The following FGGY variants were observed in gnomAD, a reference collection of about 807,000 sequenced individuals.
FGGY encodes the protein FGGY carbohydrate kinase domain containing.
In FGGY, 72 loss-of-function variants were observed where a neutral mutation model predicts 71.3. The ratio of observed to expected loss-of-function variants is 1.01; its 90% CI spans 0.84 to 1.23. The LOEUF is 1.23. Among genes scored for constraint, FGGY ranks in the 50% most tolerant of loss-of-function variants. The probability of loss-of-function intolerance (pLI) is 0.00; values close to 1 mark genes in which losing one functional copy is unlikely to be tolerated. For missense variants in FGGY, 668 were observed against 682.3 expected, an observed-to-expected ratio of 0.98 and a Z score of 0.23; for synonymous variants, 251 against 250.3, an observed-to-expected ratio of 1.00 and a Z score of -0.02.
At chr1:59,331,011 C>T (rs1570482298) in intron 2 of FGGY, among the ~76,000 whole-genome samples, 2 of 151,790 alleles carry the variant, frequency 1.3e-5, no homozygotes, top group Admixed American at 6.6e-5. Context: ...AGACTGGGAC[C>T]ACGTCTCTCT....
chr1:59,541,266 A>G (rs1469956052), intron 7 of FGGY, among the ~76,000 whole-genome samples: 4 of 152,146 alleles, frequency 2.6e-5, no homozygotes, highest in African/African-American at 7.2e-5. Context: ...CCATAGAAAG[A>G]TGATGGAAGG....
At chr1:59,703,587 T>C (rs2097727992) in intron 14 of FGGY, among the ~76,000 whole-genome samples, 1 of 152,162 alleles carries the variant, frequency 6.6e-6, no homozygotes, top group African/African-American at 2.4e-5. Context: ...ATGATGGAAG[T>C]CAGCATAATG....
In FGGY at chr1:59,681,748, T is replaced by A. The variant is rs563685442; in HGVS notation, c.1512+7615T>A. On this transcript the variant is annotated intron_variant, in intron 14 of 15. Transcript: ENST00000303721. ...AAGACAAGGCTTTTAGTTAAATCAG[T>A]AATATTCTGTGATGGGGAAAATTGC... Among the ~76,000 whole-genome samples the A allele has an allele frequency of 5.9e-5, 9 of 152,060 alleles. No individual in the cohort carries two copies. The South Asian group carries it at 1.9e-3, about 32-fold the overall frequency.
intron 15 of FGGY, 52 bp from the exon 16 acceptor site, chr1:59,762,451 C>T: frequency 7.2e-7 from 1 of 1,387,708 alleles, no homozygotes; most frequent in East Asian, 2.3e-5. Flanking sequence ...CAGGGAAGCC[C>T]TGTGGCAGTT....
intron 7 of FGGY, among the ~76,000 whole-genome samples, chr1:59,544,151 T>C (rs1053096761): frequency 6.6e-6 from 1 of 152,180 alleles, no homozygotes; most frequent in Non-Finnish European, 1.5e-5. Flanking sequence ...TAACAAAAGA[T>C]AGATTAACAA....
chr1:59,733,740 T>C (rs925047918), intron 14 of FGGY, among the ~76,000 whole-genome samples: 1 of 152,176 alleles, frequency 6.6e-6, no homozygotes, highest in Non-Finnish European at 1.5e-5. Flanking sequence ...CCCTGTGAGA[T>C]CTAAAAACAG....
intron 5 of FGGY, among the ~76,000 whole-genome samples, chr1:59,406,783 A>T (rs188500468): frequency 1.4e-4 from 21 of 152,262 alleles, no homozygotes; most frequent in Non-Finnish European, 2.9e-4. Flanking sequence ...CTCTTGCTTG[A>T]TCTTTCCATC....
chr1:59,459,362 G>A (rs976437009), intron 6 of FGGY, among the ~76,000 whole-genome samples: 2 of 152,174 alleles, frequency 1.3e-5, no homozygotes, highest in Non-Finnish European at 2.9e-5. Flanking sequence ...TTCTTTCAAG[G>A]AGGTATTTGG....
At chr1:59,387,324 T>C (rs2060189079) in intron 5 of FGGY, among the ~76,000 whole-genome samples, 1 of 152,160 alleles carries the variant, frequency 6.6e-6, no homozygotes, top group Non-Finnish European at 1.5e-5. Flanking sequence ...AAAAATATTT[T>C]TGACATCTGT....
intron 7 of FGGY, among the ~76,000 whole-genome samples, chr1:59,517,570 A>T (rs1300996421): frequency 6.6e-6 from 1 of 151,938 alleles, no homozygotes; most frequent in Non-Finnish European, 1.5e-5. Context: ...TTATCCATCA[A>T]ATCTTGAATC....
intron 8 of FGGY, among the ~76,000 whole-genome samples, chr1:59,570,082 C>G (rs749454318): frequency 2.0e-5 from 3 of 152,136 alleles, no homozygotes; most frequent in Non-Finnish European, 4.4e-5. Flanking sequence ...AATTAATGTG[C>G]ACAAAATATA....
chr1:59,757,950 G>C lies in FGGY; in HGVS notation c.1532G>C (p.Ser511Thr). The change falls in exon 15 of 16, where the codon AGC becomes ACC. Residue 511 changes from serine to threonine, a missense_variant. By Grantham distance (58) the Ser-to-Thr change is moderately conservative. Coordinates refer to ENST00000303721, the MANE Select transcript of FGGY (RefSeq NM_018291.5). ...TAATAGGAAGCAATGGCAAAAATGAGCAAAGTTGGGAAAGTTGTGTTCCCG... is the reference window on the plus strand; with the variant it reads ...TAATAGGAAGCAATGGCAAAAATGACCAAAGTTGGGAAAGTTGTGTTCCCG... ...ASVQEAMAKM[S>T]KVGKVVFPRL... 6.2e-7 allele frequency: 1 copy of C among 1,613,314 alleles called. No homozygotes were observed. Among genetic ancestry groups the C allele is most frequent in the Non-Finnish European group, 8.5e-7 (1 of 1,179,566 alleles).
chr1:59,611,973 A>G (rs1304737774), intron 9 of FGGY, among the ~76,000 whole-genome samples: 1 of 152,196 alleles, frequency 6.6e-6, no homozygotes, highest in South Asian at 2.1e-4. Flanking sequence ...GAGACGAACA[A>G]AGCCTCCAAG....
chr1:59,660,145 T>C, intron 11 of FGGY, 74 bp from the exon 12 acceptor site: 3 of 1,342,388 alleles, frequency 2.2e-6, no homozygotes, highest in Non-Finnish European at 3.2e-6. Flanking sequence ...TCTGAACGTA[T>C]TTCATGGGAA....
At chr1:59,588,766 C>A (rs986404403) in intron 8 of FGGY, among the ~76,000 whole-genome samples, 5 of 152,140 alleles carry the variant, frequency 3.3e-5, no homozygotes, top group Admixed American at 3.3e-4. Context: ...ACCAGGCCTG[C>A]CCTAAAAGAG....
chr1:59,368,661 G>T (rs2056990138), intron 4 of FGGY, among the ~76,000 whole-genome samples: 1 of 152,256 alleles, frequency 6.6e-6, no homozygotes, highest in Non-Finnish European at 1.5e-5. Flanking sequence ...GGCTGGGATT[G>T]TATGGGCCAG....
chr1:59,507,059 C>T (rs538800652), intron 6 of FGGY, among the ~76,000 whole-genome samples: 99 of 152,224 alleles, frequency 6.5e-4, no homozygotes, highest in South Asian at 1.5e-3. Context: ...TTGGGCAGGT[C>T]CCCAACCAGA....
intron 7 of FGGY, among the ~76,000 whole-genome samples, chr1:59,521,042 G>GA (rs978704076): frequency 2.8e-5 from 4 of 143,028 alleles, no homozygotes; most frequent in African/African-American, 5.2e-5. Context: ...GGGGTGGGGG[G>GA]GGATTAGAAA....
intron 14 of FGGY, among the ~76,000 whole-genome samples, chr1:59,737,374 A>G (rs946953579): frequency 2.0e-5 from 3 of 152,192 alleles, no homozygotes; most frequent in Non-Finnish European, 4.4e-5. Flanking sequence ...AGCTTACACC[A>G]TGTGCCTGAA....
Sources: allele counts gnomAD v4.1 joint callset (sites outside exome capture counted in the v4.1 genomes callset), GRCh38; gene constraint gnomAD v4.1.1; transcripts MANE v1.5; gene names NCBI Gene and HGNC (gene_info 2026-07-23, HGNC 2026-07-21).